Variants in CDH18 observed in about 807,000 individuals in gnomAD.
CDH18 encodes cadherin 18.
Under a neutral mutation model 67.9 loss-of-function variants are expected in CDH18, and 31 were observed. The ratio of observed to expected loss-of-function variants is 0.46; its 90% confidence interval spans 0.34 to 0.62. The LOEUF is 0.62. CDH18 is among the 20% of genes least tolerant of loss of function. The pLI is 0.01. For synonymous variants in CDH18, 362 were observed against 347.2 expected (o/e 1.04, Z -0.48); for missense variants, 890 against 975.5 (o/e 0.91, Z 1.17).
At chr5:19,706,535 C>T (rs991923188) in intron 5 of CDH18, among the ~76,000 whole-genome samples, 1 of 152,156 alleles carries the variant, frequency 6.6e-6, no homozygotes, top group Non-Finnish European at 1.5e-5. Context: ...CACATGTTCC[C>T]TGATTTGGGA....
intron 2 of CDH18, among the ~76,000 whole-genome samples, chr5:20,039,623 T>G (rs963785648): frequency 6.6e-6 from 1 of 152,060 alleles, no homozygotes; most frequent in African/African-American, 2.4e-5. Flanking sequence ...ACAAATCTTG[T>G]TGGGAAAACT....
chr5:20,072,401 G>T (rs1743558496), intron 2 of CDH18, among the ~76,000 whole-genome samples: 1 of 151,976 alleles, frequency 6.6e-6, no homozygotes, highest in Admixed American at 6.6e-5. Context: ...GGAGGTAACT[G>T]CATGAAACTT....
chr5:20,408,022 G>T (rs1746440968), intron 1 of CDH18, among the ~76,000 whole-genome samples: 1 of 151,946 alleles, frequency 6.6e-6, no homozygotes, highest in Non-Finnish European at 1.5e-5. Context: ...CAAGAAAAAA[G>T]AGACTTATAA....
chr5:20,320,335 C>G (rs1040621231), intron 1 of CDH18, among the ~76,000 whole-genome samples: 3 of 151,986 alleles, frequency 2.0e-5, no homozygotes, highest in Admixed American at 6.6e-5. Context: ...AGAGTAAGAC[C>G]ATTTCAGCAT....
At chr5:20,309,502 CAT>C (rs1300281268) in intron 1 of CDH18, among the ~76,000 whole-genome samples, 2 of 152,134 alleles carry the variant, frequency 1.3e-5, no homozygotes, top group Admixed American at 6.5e-5. Flanking sequence ...TCAAAACCCA[CAT>C]GTGACATGAT....
intron 3 of CDH18, among the ~76,000 whole-genome samples, chr5:19,800,944 C>G (rs1473005353): frequency 6.6e-6 from 1 of 152,098 alleles, no homozygotes; most frequent in South Asian, 2.1e-4. Context: ...CACGGTGAAG[C>G]CCAGTCTTTA....
intron 8 of CDH18, among the ~76,000 whole-genome samples, chr5:19,563,941 A>T (rs999456874): frequency 2.0e-5 from 3 of 152,104 alleles, no homozygotes; most frequent in African/African-American, 7.2e-5. Context: ...TGATTATGAG[A>T]CTTTGCATTG....
intron 2 of CDH18, among the ~76,000 whole-genome samples, chr5:19,850,181 A>G (rs1783529820): frequency 6.6e-6 from 1 of 151,934 alleles, no homozygotes; most frequent in Non-Finnish European, 1.5e-5. Context: ...CTGATTAATA[A>G]TAAGTCCTTA....
rs775110152 is a variant in CDH18 at position 20,196,744 on chromosome 5, TA to T, written c.-518+58699del. ...CATTTGATCAGGATGTAGATGTAGATAGCTACATTCCTATGTTCTTCCATGA... is the reference window on the plus strand; with the variant it reads ...CATTTGATCAGGATGTAGATGTAGATGCTACATTCCTATGTTCTTCCATGA... On this transcript the variant is annotated intron_variant, in intron 2 of 14. Coordinates refer to the CDH18 transcript ENST00000507958. Among the ~76,000 whole-genome samples the T allele has an allele frequency of 3.3e-5, 5 of 152,196 alleles. 1 individual carries two copies. The East Asian group carries it at 7.7e-4, about 23-fold the overall frequency.
intron 3 of CDH18, among the ~76,000 whole-genome samples, chr5:19,764,175 CAAA>C (rs747971284): frequency 6.3e-5 from 5 of 79,536 alleles, no homozygotes; most frequent in Middle Eastern, 7.9e-3. Flanking sequence ...GACTCTGTCT[CAAA>C]AAAAAAAAAA....
At chr5:20,114,685 C>A (rs887987211) in intron 2 of CDH18, among the ~76,000 whole-genome samples, 2 of 152,070 alleles carry the variant, frequency 1.3e-5, no homozygotes, top group African/African-American at 4.8e-5. Flanking sequence ...AGCAAATTCA[C>A]ATCCCAGATG....
At position 19,995,602 on chromosome 5, in the gene CDH18, T is replaced by TAA. The variant is rs546777102; in HGVS notation, c.-517-3590_-517-3589dup. Among the ~76,000 whole-genome samples the TAA allele has an allele frequency of 3.7e-3, 452 of 122,668 alleles. 2 individuals carry two copies. The highest frequency in any genetic ancestry group is 0.01 in the African/African-American group (368 of 35,530). The allele number at this position is 122,668 out of a possible 152,430, so 80.5% of individuals were successfully genotyped here. A position where few individuals can be genotyped will look rare whatever the true frequency, so the allele number is the denominator to read the frequency against. ...CATCTGATAGAGCTGTTGCAAGCTT[T>TAA]AAAAAAAAAAAAAAAAAAAAACTTT... On this transcript the variant is annotated intron_variant, in intron 2 of 14. Coordinates refer to the CDH18 transcript ENST00000507958.
At chr5:19,483,924 G>A (rs1163148001) in intron 11 of CDH18, among the ~76,000 whole-genome samples, 1 of 152,120 alleles carries the variant, frequency 6.6e-6, no homozygotes, top group Non-Finnish European at 1.5e-5. Context: ...TCCAAACCTA[G>A]AGGCTCTGAA....
intron 1 of CDH18, among the ~76,000 whole-genome samples, chr5:20,274,114 A>G (rs1014698423): frequency 6.6e-6 from 1 of 152,176 alleles, no homozygotes; most frequent in Non-Finnish European, 1.5e-5. Flanking sequence ...AAAGTAGGCA[A>G]TATCAGAAGC....
At position 19,683,172 on chromosome 5, in the gene CDH18, A is replaced by G. The variant is rs532368298; in HGVS notation, c.643+38175T>C. 2.4e-4 allele frequency among the ~76,000 whole-genome samples: 37 copies of G among 152,058 alleles called. 1 individual carries two copies. The highest frequency in any genetic ancestry group is 2.2e-3 in the Admixed American group (33 of 15,230). On this transcript the variant is annotated intron_variant, in intron 5 of 12. Transcript: ENST00000382275. ...TTTGTGTTCTGCAAGTGATCAACAGACCTCTGTGCAAATAGGAAACAAAGC... is the reference window on the plus strand; with the variant it reads ...TTTGTGTTCTGCAAGTGATCAACAGGCCTCTGTGCAAATAGGAAACAAAGC...
At chr5:20,009,704 T>C (rs997733922) in intron 2 of CDH18, among the ~76,000 whole-genome samples, 2 of 152,140 alleles carry the variant, frequency 1.3e-5, no homozygotes, top group African/African-American at 4.8e-5. Context: ...TGGTAATACT[T>C]AAATATTTAA....
intron 2 of CDH18, among the ~76,000 whole-genome samples, chr5:20,136,923 C>A (rs1199167597): frequency 1.3e-5 from 2 of 152,188 alleles, no homozygotes; most frequent in African/African-American, 4.8e-5. Flanking sequence ...GGCCCCCACT[C>A]TCTTGTGGCT....
intron 1 of CDH18, among the ~76,000 whole-genome samples, chr5:20,425,630 G>A (rs1748244204): frequency 1.3e-5 from 2 of 150,738 alleles, no homozygotes; most frequent in South Asian, 4.1e-4. Context: ...AAAAATAATT[G>A]AAAATAGTTG....
intron 1 of CDH18, among the ~76,000 whole-genome samples, chr5:20,461,106 T>G (rs546440820): frequency 6.6e-6 from 1 of 152,262 alleles, no homozygotes; most frequent in African/African-American, 2.4e-5. Flanking sequence ...CTCCTCTGAG[T>G]TTTGCTGTCA....
Sources: gnomAD v4.1 joint callset for allele counts (sites outside exome capture counted in the v4.1 genomes callset) on GRCh38, gnomAD v4.1.1 for gene constraint, MANE v1.5 for transcripts, NCBI Gene and HGNC (gene_info 2026-07-23, HGNC 2026-07-21) for gene names.